IFNA4: variants seen among roughly 807,000 people sequenced by gnomAD.
The protein encoded by IFNA4 is interferon alpha 4.
For missense variants in IFNA4, 225 were observed against 214.9 expected, an observed-to-expected ratio of 1.05 and a Z score of -0.29; for synonymous variants, 84 against 86.0, an observed-to-expected ratio of 0.98 and a Z score of 0.13.
rs1353109651 is a variant in IFNA4 at position 21,187,458 on chromosome 9, T to G, written c.74A>C (p.Asp25Ala). Reference sequence around the variant, plus strand: ...ACCCAGGCTGTGGGTCTGAGGCAGATCACAGCCCAGAGAACAGATGGATTT... The same window carrying G: ...ACCCAGGCTGTGGGTCTGAGGCAGAGCACAGCCCAGAGAACAGATGGATTT... Residue 25 changes from aspartate (D) to alanine (A), a missense_variant, in exon 1 of 1, where the codon GAT (aspartate) becomes GCT (alanine). By Grantham distance (126) the Asp-to-Ala change is moderately radical. Transcript: ENST00000421715. 6 of 1,614,132 alleles carry G rather than the reference T, an allele frequency of 3.7e-6. No homozygotes were observed. In the South Asian group the frequency reaches 6.6e-5, roughly 18 times the overall value.
At chr9:21,187,354 C>T (rs202029903) in exon 1 of IFNA4, 98 of 1,614,096 alleles carry the variant, frequency 6.1e-5, no homozygotes, top group Middle Eastern at 3.3e-4. Context: ...TCGGGGAATC[C>T]GAAATCATGT....
downstream of IFNA4, chr9:21,186,643 T>C (rs1275518408): frequency 1.9e-5 from 3 of 158,602 alleles, no homozygotes; most frequent in African/African-American, 4.8e-5. Flanking sequence ...AATTAATATA[T>C]TGGCTAAATA....
At chr9:21,186,854 G>T (rs1817909694) in exon 1 of IFNA4, 16 of 1,551,558 alleles carry the variant, frequency 1.0e-5, no homozygotes, top group Non-Finnish European at 1.4e-5. Flanking sequence ...TGAAAATTTT[G>T]ATTCAACTCG....
At chr9:21,187,495 C>T in exon 1 of IFNA4, 1 of 1,612,232 alleles carries the variant, frequency 6.2e-7, no homozygotes, top group South Asian at 1.1e-5. Context: ...TAGCTGAGCA[C>T]CAGCACGGCC....
chr9:21,186,722 A>C, exon 1 of IFNA4: 2 of 281,090 alleles, frequency 7.1e-6, no homozygotes, highest in Non-Finnish European at 1.3e-5. Context: ...AAAATAATTT[A>C]AATTTTAAAA....
chr9:21,187,574 C>G, exon 1 of IFNA4: 1 of 1,558,136 alleles, frequency 6.4e-7, no homozygotes, highest in South Asian at 1.2e-5. Flanking sequence ...GATGGATAAC[C>G]TTGAACTTCG....
exon 1 of IFNA4, chr9:21,186,719 T>A (rs190593754): frequency 7.5e-6 from 2 of 268,258 alleles, no homozygotes; most frequent in African/African-American, 4.5e-5. Context: ...TAAAAAATAA[T>A]TTAAATTTTA....
Position 21,187,104 on chromosome 9 carries a change from A to G in IFNA4, c.428T>C (p.Val143Ala), listed in dbSNP as rs1435163390. The G allele has an allele frequency of 3.5e-5, 56 of 1,613,982 alleles. No individual in the cohort carries two copies. The highest frequency in any genetic ancestry group is 4.2e-5 in the Non-Finnish European group (49 of 1,180,022). Residue 143 changes from valine to alanine, a missense_variant, in exon 1 of 1, where the codon GTG (valine) becomes GCG (alanine). By Grantham distance (64) the Val-to-Ala change is moderately conservative. Transcript: ENST00000421715. ...AGTGATTCTTTGGAAGTATTTCCTC[A>G]CAGCCAGGATGGAGTCCTCATTCAT...
exon 1 of IFNA4, chr9:21,187,464 C>G: frequency 6.2e-7 from 1 of 1,614,052 alleles, no homozygotes; most frequent in Non-Finnish European, 8.5e-7. Flanking sequence ...CAGATCACAG[C>G]CCAGAGAACA....
At chr9:21,187,018 T>C (rs1817913735) in exon 1 of IFNA4, 1 of 1,614,180 alleles carries the variant, frequency 6.2e-7, no homozygotes, top group Non-Finnish European at 8.5e-7. Context: ...AGGGATCTCA[T>C]GATTTCTGCT....
exon 1 of IFNA4, chr9:21,187,552 T>C (rs369103188): frequency 5.0e-6 from 8 of 1,590,400 alleles, no homozygotes; most frequent in Admixed American, 3.5e-5. Flanking sequence ...CAAATATTGC[T>C]AGGCTACTTG....
chr9:21,186,763 A>G (rs960639164), exon 1 of IFNA4: 6 of 505,454 alleles, frequency 1.2e-5, no homozygotes, highest in East Asian at 1.1e-4. Context: ...ATAGATGAAC[A>G]GAGACATCAG....
chr9:21,186,733 ATAAATAAATATT>A (rs1817906272), exon 1 of IFNA4: 1 of 327,192 alleles, frequency 3.1e-6, no homozygotes, highest in Non-Finnish European at 5.3e-6. Flanking sequence ...AATTTTAAAA[ATAAATAAATATT>A]TAAATAAATA....
chr9:21,187,501 C>A, exon 1 of IFNA4: 1 of 1,611,926 alleles, frequency 6.2e-7, no homozygotes, highest in Non-Finnish European at 8.5e-7. Flanking sequence ...AGCACCAGCA[C>A]GGCCATCAGT....
chr9:21,187,019 G>C (rs773352857), exon 1 of IFNA4: 1 of 1,614,124 alleles, frequency 6.2e-7, no homozygotes, highest in South Asian at 1.1e-5. Context: ...GGGATCTCAT[G>C]ATTTCTGCTC....
At position 21,187,301 on chromosome 9, in the gene IFNA4, G is replaced by C. The variant is rs771374429; in HGVS notation, c.231C>G (p.Ile77Met). Residue 77 changes from isoleucine (I) to methionine (M), a missense_variant, in exon 1 of 1, where the codon ATC (isoleucine) becomes ATG (methionine). Coordinates refer to ENST00000421715, the Ensembl canonical transcript of IFNA4. Reference sequence around the variant, plus strand: ...GCTGGATCATCTCATGGAGGACAGAGATGGCTTGAGCCTTCTGGAACTGGT... The same window carrying C: ...GCTGGATCATCTCATGGAGGACAGACATGGCTTGAGCCTTCTGGAACTGGT... 51 of 1,613,800 alleles carry C rather than the reference G, an allele frequency of 3.2e-5. 1 individual carries two copies. In the Admixed American group the frequency reaches 8.5e-4, roughly 27 times the overall value.
exon 1 of IFNA4, chr9:21,187,577 G>C: frequency 2.6e-6 from 4 of 1,555,092 alleles, no homozygotes; most frequent in Non-Finnish European, 3.5e-6. Context: ...GGATAACCTT[G>C]AACTTCGGCC....
chr9:21,186,971 C>G (rs1463881708), exon 1 of IFNA4: 1 of 1,613,876 alleles, frequency 6.2e-7, no homozygotes, highest in Non-Finnish European at 8.5e-7. Context: ...TTCAATCCTT[C>G]CTCCTTAATC....
exon 1 of IFNA4, chr9:21,186,959 G>T (rs28368133): frequency 1.9e-5 from 31 of 1,613,502 alleles, no homozygotes; most frequent in African/African-American, 8.0e-5. Context: ...GTTGAACCAG[G>T]TTTCAATCCT....
Sources: gnomAD v4.1 joint callset for allele counts on GRCh38, gnomAD v4.1.1 for gene constraint, MANE v1.5 for transcripts, NCBI Gene and HGNC (gene_info 2026-07-23, HGNC 2026-07-21) for gene names.